SOX5: variants seen among roughly 807,000 people sequenced by gnomAD.
SOX5 encodes SRY-box transcription factor 5, also known as transcription factor SOX-5.
A neutral mutation model predicts 92.0 loss-of-function variants in SOX5; 9 were observed. The ratio of observed to expected loss-of-function variants is 0.10; its 90% CI spans 0.06 to 0.17. The LOEUF (loss-of-function observed/expected upper bound fraction) is 0.17. SOX5 is among the 10% of genes least tolerant of loss of function. SOX5 has a pLI of 1.00. For synonymous variants in SOX5, 344 were observed against 336.3 expected, an observed-to-expected ratio of 1.02 and a Z score of -0.25; for missense variants, 642 against 944.5, an observed-to-expected ratio of 0.68 and a Z score of 4.20.
At chr12:23,894,629 T>G (rs548910673) in intron 2 of SOX5, among the ~76,000 whole-genome samples, 4 of 152,162 alleles carry the variant, frequency 2.6e-5, no homozygotes, top group Admixed American at 6.5e-5. Context: ...AAATCTAATA[T>G]GAAAATCAAA....
intron 4 of SOX5, among the ~76,000 whole-genome samples, chr12:23,749,724 T>C (rs371512493): frequency 4.3e-4 from 66 of 152,088 alleles, no homozygotes; most frequent in African/African-American, 1.5e-3. Context: ...AGGAACTTTT[T>C]CCAAAACTAT....
chr12:23,609,686 C>A (rs753489686), intron 8 of SOX5, among the ~76,000 whole-genome samples: 5 of 146,564 alleles, frequency 3.4e-5, no homozygotes, highest in Non-Finnish European at 6.0e-5. Context: ...TCTTTTATTT[C>A]TTTCTTTCCT....
intron 1 of SOX5, among the ~76,000 whole-genome samples, chr12:23,919,804 A>C (rs560598438): frequency 1.2e-4 from 18 of 152,198 alleles, no homozygotes; most frequent in Non-Finnish European, 2.2e-4. Context: ...TTTTCTCTGA[A>C]GTGCATTACA....
chr12:24,184,810 T>C (rs750251672), intron 4 of SOX5, among the ~76,000 whole-genome samples: 2 of 152,110 alleles, frequency 1.3e-5, no homozygotes, highest in African/African-American at 2.4e-5. Context: ...CAAAATTAAA[T>C]AGAATTATAG....
At chr12:24,076,636 T>C (rs1220121780) in intron 4 of SOX5, among the ~76,000 whole-genome samples, 2 of 151,778 alleles carry the variant, frequency 1.3e-5, no homozygotes, top group African/African-American at 4.8e-5. Context: ...TTCATGTTGA[T>C]TGCATTTGAA....
intron 4 of SOX5, among the ~76,000 whole-genome samples, chr12:24,129,025 A>T (rs1453373992): frequency 6.6e-6 from 1 of 152,212 alleles, no homozygotes. Context: ...GCAATTATGC[A>T]CATTTACAAG....
chr12:23,843,054 T>A (rs2096536690), intron 3 of SOX5, among the ~76,000 whole-genome samples: 1 of 152,208 alleles, frequency 6.6e-6, no homozygotes, highest in Non-Finnish European at 1.5e-5. Context: ...ATTTTACTTC[T>A]GTGGTCTTCC....
At chr12:24,329,192 T>C (rs1951029122) in intron 2 of SOX5, among the ~76,000 whole-genome samples, 1 of 152,182 alleles carries the variant, frequency 6.6e-6, no homozygotes, top group African/African-American at 2.4e-5. Context: ...AGTTTAGCAT[T>C]ATATATTAGT....
At chr12:24,363,227 CTT>C (rs1420273645) in intron 2 of SOX5, among the ~76,000 whole-genome samples, 4 of 151,924 alleles carry the variant, frequency 2.6e-5, no homozygotes, top group African/African-American at 4.8e-5. Context: ...TCACCAGACT[CTT>C]GGTTTTACTG....
intron 4 of SOX5, among the ~76,000 whole-genome samples, chr12:24,008,409 C>T (rs370343944): frequency 3.3e-5 from 5 of 152,080 alleles, no homozygotes; most frequent in African/African-American, 1.2e-4. Context: ...TTTGACACAA[C>T]AGGTTTAACA....
intron 3 of SOX5, among the ~76,000 whole-genome samples, chr12:23,824,571 C>A (rs927461074): frequency 6.6e-6 from 1 of 152,176 alleles, no homozygotes; most frequent in South Asian, 2.1e-4. Flanking sequence ...CGTGTCTCCC[C>A]GTCAGGAGGC....
At position 24,293,063 on chromosome 12, in the gene SOX5, A is replaced by C. The variant is rs76726411; in HGVS notation, c.-173-15751T>G. Among the ~76,000 whole-genome samples, 178 of 152,300 alleles carry C rather than the reference A, an allele frequency of 1.2e-3. 1 individual carries two copies. In the East Asian group the frequency reaches 0.031, roughly 26 times the overall value. ...GTTGAGTGAGATATACTGACATCAC[A>C]TGTAGTCACTATACTATAATAACAA... On this transcript the variant is annotated intron_variant, in intron 2 of 4. Coordinates refer to the SOX5 transcript ENST00000446891.
intron 4 of SOX5, among the ~76,000 whole-genome samples, chr12:23,962,131 C>A (rs1947013740): frequency 6.6e-6 from 1 of 151,974 alleles, no homozygotes; most frequent in Non-Finnish European, 1.5e-5. Context: ...TATTTTATTT[C>A]ATGAGTATAA....
chr12:24,362,848 G>A (rs1216475075), intron 2 of SOX5, among the ~76,000 whole-genome samples: 1 of 145,472 alleles, frequency 6.9e-6, no homozygotes, highest in Non-Finnish European at 1.5e-5. Context: ...AAATCACAGT[G>A]GGCTAAGAAA....
At chr12:24,003,730 C>T (rs4400891) in intron 4 of SOX5, among the ~76,000 whole-genome samples, 62,432 of 151,090 alleles carry the variant, frequency 0.41, 13,404 homozygotes, top group East Asian at 0.69. Flanking sequence ...CCTAGATATG[C>T]CTACATATTA....
At position 23,530,808 on chromosome 12, in the gene SOX5, T is replaced by TGA. The variant is rs1938829323; in HGVS notation, c.*3410_*3411insTC. 1 of 138,716 alleles carries TGA rather than the reference T, an allele frequency of 7.2e-6. No individual in the cohort carries two copies. The highest frequency in any genetic ancestry group is 2.5e-4 in the South Asian group (1 of 3,962). 8.6% of individuals were successfully genotyped at this position (138,716 alleles called of 1,614,324 possible). ...CTCAGTGTTGGGGCAAGTGTGTGTG[T>TGA]GTGTGTGTGTGCGCGCGCGCGCGCG... On this transcript the variant is annotated 3_prime_UTR_variant, in exon 15 of 15. Coordinates refer to ENST00000451604, the MANE Select transcript of SOX5 (RefSeq NM_006940.6).
At chr12:23,968,274 A>G (rs1947819315) in intron 4 of SOX5, among the ~76,000 whole-genome samples, 1 of 152,190 alleles carries the variant, frequency 6.6e-6, no homozygotes, top group South Asian at 2.1e-4. Context: ...AAACTACTCT[A>G]TTTGATTAAC....
At chr12:23,668,637 T>C (rs1312044289) in intron 6 of SOX5, among the ~76,000 whole-genome samples, 2 of 152,226 alleles carry the variant, frequency 1.3e-5, no homozygotes, top group Admixed American at 1.3e-4. Flanking sequence ...TGAAATTCCC[T>C]TTAAACCACT....
chr12:23,548,545 C>T (rs1418246494), intron 11 of SOX5, among the ~76,000 whole-genome samples: 1 of 151,806 alleles, frequency 6.6e-6, no homozygotes, highest in Non-Finnish European at 1.5e-5. Flanking sequence ...TGAGAACAGG[C>T]AAAAGGAAAG....
Sources: gnomAD v4.1 joint callset for allele counts (sites outside exome capture counted in the v4.1 genomes callset) on GRCh38, gnomAD v4.1.1 for gene constraint, MANE v1.5 for transcripts, NCBI Gene and HGNC (gene_info 2026-07-23, HGNC 2026-07-21) for gene names.